Variants in TFDP2 observed in about 807,000 individuals in gnomAD.
TFDP2 encodes the protein transcription factor Dp-2.
TFDP2 carries 17 observed loss-of-function variants against 59.3 expected under a neutral mutation model. The observed-to-expected ratio is 0.29, with a 90% CI of 0.20 to 0.43. The LOEUF is 0.43. Among genes scored for constraint, TFDP2 ranks in the 20% least tolerant of loss-of-function variants. The probability of loss-of-function intolerance (pLI) is 1.00; values close to 1 mark genes in which losing one functional copy is unlikely to be tolerated. For missense variants in TFDP2, 391 were observed against 528.8 expected, an observed-to-expected ratio of 0.74 and a Z score of 2.56; for synonymous variants, 180 against 194.7, an observed-to-expected ratio of 0.92 and a Z score of 0.63.
At chr3:142,077,380 C>T (rs1246710025) in intron 3 of TFDP2, among the ~76,000 whole-genome samples, 6 of 152,154 alleles carry the variant, frequency 3.9e-5, no homozygotes, top group African/African-American at 1.4e-4. Context: ...GCCACCCCAT[C>T]CCAACATCAG....
chr3:142,077,864 C>T (rs2060515748), intron 3 of TFDP2, among the ~76,000 whole-genome samples: 1 of 152,118 alleles, frequency 6.6e-6, no homozygotes, highest in Non-Finnish European at 1.5e-5. Context: ...AGGTAGAGCA[C>T]CAAGTGGGCT....
At chr3:142,143,749 TAACAAA>T (rs375815603) in intron 1 of TFDP2, among the ~76,000 whole-genome samples, 108 of 152,264 alleles carry the variant, frequency 7.1e-4, no homozygotes, top group African/African-American at 2.5e-3. Context: ...AGACAGACAG[TAACAAA>T]TACTGGTGGG....
At chr3:141,995,865 A>C (rs1180255534) in intron 4 of TFDP2, among the ~76,000 whole-genome samples, 2 of 149,088 alleles carry the variant, frequency 1.3e-5, no homozygotes, top group African/African-American at 5.0e-5. Context: ...CCTGGGCAAA[A>C]AGAGCAAAAC....
chr3:142,133,990 C>T (rs1477036394), intron 1 of TFDP2, among the ~76,000 whole-genome samples: 4 of 150,814 alleles, frequency 2.7e-5, no homozygotes, highest in Admixed American at 6.6e-5. Context: ...GCCGAGATCG[C>T]GCCACTGCAT....
chr3:141,959,876 T>C, intron 10 of TFDP2, 36 bp from the exon 11 acceptor site: 1 of 1,608,826 alleles, frequency 6.2e-7, no homozygotes, highest in Non-Finnish European at 8.5e-7. Flanking sequence ...TTTTTGGTGG[T>C]GCTGGAGAGG....
chr3:142,068,532 G>C (rs1162988492), intron 3 of TFDP2, among the ~76,000 whole-genome samples: 1 of 149,302 alleles, frequency 6.7e-6, no homozygotes, highest in African/African-American at 2.5e-5. Flanking sequence ...AACATTATAT[G>C]TTTTCAAGTT....
chr3:142,139,978 T>C (rs1176610937), intron 1 of TFDP2, among the ~76,000 whole-genome samples: 3 of 152,238 alleles, frequency 2.0e-5, no homozygotes, highest in East Asian at 1.9e-4. Context: ...CTTGGTTCCA[T>C]TGTCCCCGTC....
At chr3:142,094,995 TTC>T (rs964271560) in intron 2 of TFDP2, among the ~76,000 whole-genome samples, 26 of 152,006 alleles carry the variant, frequency 1.7e-4, no homozygotes, top group African/African-American at 5.8e-4. Context: ...ATTTTTCTTC[TTC>T]TTTTTTTTTT....
chr3:141,965,892 C>T (rs1389266294), intron 9 of TFDP2, among the ~76,000 whole-genome samples: 1 of 151,884 alleles, frequency 6.6e-6, no homozygotes, highest in Non-Finnish European at 1.5e-5. Flanking sequence ...TATGATTAAA[C>T]TGTGGAACTG....
At chr3:142,065,339 T>C (rs1446728888) in intron 3 of TFDP2, among the ~76,000 whole-genome samples, 1 of 152,078 alleles carries the variant, frequency 6.6e-6, no homozygotes, top group Admixed American at 6.6e-5. Flanking sequence ...TTGTACTTTT[T>C]GTAGAAATGG....
At chr3:141,960,297 T>C (rs1937199468) in intron 10 of TFDP2, among the ~76,000 whole-genome samples, 1 of 152,168 alleles carries the variant, frequency 6.6e-6, no homozygotes, top group African/African-American at 2.4e-5. Flanking sequence ...AGATAAGCAA[T>C]AAATAGAAGA....
At chr3:142,075,890 G>C (rs60122425) in intron 3 of TFDP2, among the ~76,000 whole-genome samples, 1 of 138,554 alleles carries the variant, frequency 7.2e-6, no homozygotes, top group Non-Finnish European at 1.5e-5. Flanking sequence ...CTGGGCAACA[G>C]AGCCAGAACC....
chr3:141,987,439 G>A (rs1419977553), intron 6 of TFDP2, among the ~76,000 whole-genome samples: 1 of 151,598 alleles, frequency 6.6e-6, no homozygotes, highest in Non-Finnish European at 1.5e-5. Context: ...ATCCTGCCAC[G>A]CCCAGCTAAT....
chr3:142,135,399 CTTTT>C (rs1450572851), intron 1 of TFDP2, among the ~76,000 whole-genome samples: 5 of 151,958 alleles, frequency 3.3e-5, no homozygotes, highest in East Asian at 1.9e-4. Flanking sequence ...TGTTTAATTT[CTTTT>C]TTCTTTTTTA....
chr3:142,032,100 C>T (rs1828488), intron 3 of TFDP2, among the ~76,000 whole-genome samples: 106 of 141,720 alleles, frequency 7.5e-4, no homozygotes, highest in African/African-American at 2.6e-3. Flanking sequence ...CTCTCTCTCT[C>T]TTTTTTTTTT....
At chr3:141,986,442 T>C (rs769607770) in intron 6 of TFDP2, among the ~76,000 whole-genome samples, 1 of 152,238 alleles carries the variant, frequency 6.6e-6, no homozygotes, top group Non-Finnish European at 1.5e-5. Context: ...TAAAATCATA[T>C]AGTATGTACC....
At chr3:142,072,486 T>A (rs997318447) in intron 3 of TFDP2, among the ~76,000 whole-genome samples, 3 of 152,228 alleles carry the variant, frequency 2.0e-5, no homozygotes, top group African/African-American at 7.2e-5. Flanking sequence ...CCAGTAGCAA[T>A]GAGCTCATTT....
At chr3:142,073,472 C>CAAAAA (rs79018185) in intron 3 of TFDP2, among the ~76,000 whole-genome samples, 2 of 52,502 alleles carry the variant, frequency 3.8e-5, no homozygotes, top group Non-Finnish European at 7.1e-5. Context: ...CCCCCCCCCG[C>CAAAAA]AAAAAAAAAA....
intron 3 of TFDP2, among the ~76,000 whole-genome samples, chr3:142,081,359 A>G (rs2060634153): frequency 6.6e-6 from 1 of 152,152 alleles, no homozygotes; most frequent in Non-Finnish European, 1.5e-5. Context: ...AGTTGATGGT[A>G]TAAGTGCTTA....
Sources: gnomAD v4.1 joint callset for allele counts (sites outside exome capture counted in the v4.1 genomes callset) on GRCh38, gnomAD v4.1.1 for gene constraint, MANE v1.5 for transcripts, NCBI Gene and HGNC (gene_info 2026-07-23, HGNC 2026-07-21) for gene names.